Variants in SNAP91 observed in about 807,000 individuals in gnomAD.
SNAP91 encodes the protein clathrin coat assembly protein AP180.
A neutral mutation model predicts 100.3 loss-of-function variants in SNAP91; 27 were observed. The observed-to-expected ratio is 0.27, with a 90% confidence interval of 0.20 to 0.37. The LOEUF is 0.37. Among genes scored for constraint, SNAP91 ranks in the 10% least tolerant of loss-of-function variants. SNAP91 has a pLI of 1.00. For synonymous variants in SNAP91, 404 were observed against 398.6 expected, an observed-to-expected ratio of 1.01 and a Z score of -0.16; for missense variants, 986 against 1,123.7, an observed-to-expected ratio of 0.88 and a Z score of 1.75.
Position 83,560,182 on chromosome 6 carries a change from C to T in SNAP91, c.2553G>A (p.Met851Ile), listed in dbSNP as rs752783338. 6.2e-7 allele frequency: 1 copy of T among 1,613,896 alleles called. No individual in the cohort carries two copies. Among genetic ancestry groups the T allele is most frequent in the Non-Finnish European group, 8.5e-7 (1 of 1,179,868 alleles). ...GMPPAGTGMP[M>I]MPQQPVMFAQ... Reference sequence around the variant, plus strand: ...CAAACATGACCGGCTGCTGAGGCATCATGGGCATGCCTGTCCCAGCAGGAG... The same window carrying T: ...CAAACATGACCGGCTGCTGAGGCATTATGGGCATGCCTGTCCCAGCAGGAG... Residue 851 changes from methionine (M) to isoleucine (I), a missense_variant, in exon 28 of 30, where the codon ATG becomes ATA. Physicochemically the swap from Met to Ile is conservative, Grantham distance 10 (BLOSUM62 1). Coordinates refer to ENST00000369694, the MANE Select transcript of SNAP91 (RefSeq NM_001242792.2).
At chr6:83,558,459 G>T (rs1411659359) in intron 28 of SNAP91, among the ~76,000 whole-genome samples, 5 of 152,202 alleles carry the variant, frequency 3.3e-5, no homozygotes, top group Admixed American at 1.3e-4. Context: ...GCCAGTTATG[G>T]CCAGTAATGG....
chr6:83,681,689 C>T (rs2098991774), intron 2 of SNAP91, among the ~76,000 whole-genome samples: 1 of 152,066 alleles, frequency 6.6e-6, no homozygotes, highest in African/African-American at 2.4e-5. Context: ...ATACTTTGAG[C>T]AGCAGTGCTC....
chr6:83,580,575 A>C lies in SNAP91; in HGVS notation c.2174T>G (p.Leu725Trp), dbSNP rs754625120. 2 of 1,613,130 alleles carry C rather than the reference A, an allele frequency of 1.2e-6. No individual in the cohort carries two copies. Residue 725 changes from leucine to tryptophan, a missense_variant, in exon 24 of 30, where the codon TTG becomes TGG. Transcript: ENST00000369694. ...PSVFDGLGDL[L>W]MPTMAPAGQP... is the part of the protein sequence containing the mutation. ...CCCAGCTGGTGCCATGGTTGGCATC[A>C]AAAGATCACCTAGACCATCAAACAC...
intron 3 of SNAP91, among the ~76,000 whole-genome samples, chr6:83,665,012 T>C (rs927310327): frequency 1.3e-5 from 2 of 152,160 alleles, no homozygotes; most frequent in African/African-American, 4.8e-5. Flanking sequence ...CATTTGATAA[T>C]AATTTTTTAG....
chr6:83,574,072 T>C (rs1445856171), intron 26 of SNAP91, among the ~76,000 whole-genome samples: 1 of 152,186 alleles, frequency 6.6e-6, no homozygotes, highest in African/African-American at 2.4e-5. Context: ...ACTTCTTGCA[T>C]GTTTGTTTGG....
chr6:83,557,842 T>A (rs980258823), intron 28 of SNAP91, among the ~76,000 whole-genome samples: 1 of 151,948 alleles, frequency 6.6e-6, no homozygotes, highest in East Asian at 1.9e-4. Context: ...TACCAGCCAA[T>A]GAAAGAATGC....
intron 9 of SNAP91, among the ~76,000 whole-genome samples, 169 bp downstream of exon 9, chr6:83,623,132 A>C (rs1246147623): frequency 2.0e-5 from 3 of 152,146 alleles, no homozygotes; most frequent in Non-Finnish European, 4.4e-5. Context: ...TTACCTCCAG[A>C]AATATATTCA....
intron 8 of SNAP91, among the ~76,000 whole-genome samples, chr6:83,628,222 CATATATATATAT>C (rs57893971): frequency 8.0e-6 from 1 of 124,690 alleles, no homozygotes; most frequent in African/African-American, 3.0e-5. Context: ...TTCCATTTTA[CATATATATATAT>C]ATATATATAT....
chr6:83,662,607 G>T (rs2098568498), intron 3 of SNAP91, among the ~76,000 whole-genome samples, 185 bp from the exon 4 acceptor site: 1 of 151,664 alleles, frequency 6.6e-6, no homozygotes, highest in Non-Finnish European at 1.5e-5. Context: ...GAATTAAATT[G>T]TACGATCTTT....
At chr6:83,690,129 A>T (rs2128981353) in intron 2 of SNAP91, 1 of 276,974 alleles carries the variant, frequency 3.6e-6, no homozygotes, top group Non-Finnish European at 5.7e-6. Context: ...ACAGGATAAA[A>T]GTGAGCATCA....
chr6:83,650,484 T>A (rs760571131), intron 7 of SNAP91, among the ~76,000 whole-genome samples: 1 of 152,186 alleles, frequency 6.6e-6, no homozygotes, highest in African/African-American at 2.4e-5. Context: ...AGTGGCACAA[T>A]CTCAGCTCAC....
At chr6:83,651,158 G>A (rs59415335) in intron 7 of SNAP91, among the ~76,000 whole-genome samples, 4,346 of 151,530 alleles carry the variant, frequency 0.029, 76 homozygotes, top group East Asian at 0.059. Context: ...TCTTTGTCTG[G>A]CTAGAGACTT....
At chr6:83,643,506 G>A (rs540798783) in intron 7 of SNAP91, among the ~76,000 whole-genome samples, 1 of 152,246 alleles carries the variant, frequency 6.6e-6, no homozygotes, top group South Asian at 2.1e-4. Flanking sequence ...TTGTAGATGT[G>A]TGGTATTATT....
chr6:83,573,591 T>C (rs1321185587), intron 26 of SNAP91, among the ~76,000 whole-genome samples: 1 of 152,156 alleles, frequency 6.6e-6, no homozygotes, highest in Non-Finnish European at 1.5e-5. Context: ...ATGGTACTGG[T>C]ACCAAAACAG....
chr6:83,677,230 G>A (rs2098922192), intron 2 of SNAP91, among the ~76,000 whole-genome samples: 1 of 152,136 alleles, frequency 6.6e-6, no homozygotes, highest in African/African-American at 2.4e-5. Flanking sequence ...GAGCAGGTAA[G>A]GGGGTACCCT....
At position 83,582,307 on chromosome 6, in the gene SNAP91, A is replaced by G. The variant is rs1410484007; in HGVS notation, c.2064T>C (p.Ala688=). 2 of 1,613,602 alleles carry G rather than the reference A, an allele frequency of 1.2e-6. No homozygotes were observed. The change falls in exon 23 of 30, where the codon GCT becomes GCC. Residue 688 remains alanine, a synonymous_variant. Coordinates refer to ENST00000369694, the MANE Select transcript of SNAP91 (RefSeq NM_001242792.2). The stretch of plus-strand genomic sequence containing the variant: ...AATTGGGCTGTAGCAGGTTATTCTG[A>G]GCTGGAGTCACTGGAGATGGGGAAG... ...MAPSPSPVTP[A]QNNLLQPNFE...
intron 2 of SNAP91, among the ~76,000 whole-genome samples, chr6:83,688,006 C>T (rs929992466): frequency 3.3e-5 from 5 of 151,940 alleles, no homozygotes; most frequent in Admixed American, 2.0e-4. Flanking sequence ...ATGTGTTGAG[C>T]GTGAGATATC....
At chr6:83,587,936 C>T (rs2093037182) in intron 22 of SNAP91, among the ~76,000 whole-genome samples, 1 of 151,990 alleles carries the variant, frequency 6.6e-6, no homozygotes, top group Admixed American at 6.6e-5. Context: ...AAAAATTAGC[C>T]CCCAAAATTA....
intron 8 of SNAP91, among the ~76,000 whole-genome samples, chr6:83,633,443 G>A (rs2097292718): frequency 6.6e-6 from 1 of 152,148 alleles, no homozygotes; most frequent in Non-Finnish European, 1.5e-5. Context: ...GAACTCCCAA[G>A]AGTATATGCC....
Sources: gnomAD v4.1 joint callset for allele counts (sites outside exome capture counted in the v4.1 genomes callset) on GRCh38, gnomAD v4.1.1 for gene constraint, MANE v1.5 for transcripts, NCBI Gene and HGNC (gene_info 2026-07-23, HGNC 2026-07-21) for gene names.